STK10: variants seen among roughly 807,000 people sequenced by gnomAD.
The protein encoded by STK10 is serine/threonine kinase 10.
In STK10, 78 loss-of-function variants were observed where a neutral mutation model predicts 113.8. That is an observed-to-expected ratio of 0.69 (90% confidence interval 0.57 to 0.83). The LOEUF is 0.83. Among genes scored for constraint, STK10 ranks in the 40% least tolerant of loss-of-function variants. STK10 has a pLI of 0.00. For synonymous variants in STK10, 465 were observed against 494.7 expected (o/e 0.94, Z 0.80); for missense variants, 1,109 against 1,280.1 (o/e 0.87, Z 2.04).
At chr5:172,067,074 C>T (rs55634877) in intron 12 of STK10, among the ~76,000 whole-genome samples, 32,393 of 152,062 alleles carry the variant, frequency 0.21, 3,991 homozygotes, top group East Asian at 0.37. Flanking sequence ...TCAGGGATAG[C>T]CAGGCACGGT....
rs545033443 is a variant in STK10 at position 172,144,362 on chromosome 5, G to A, written c.321+12262C>T. 2.0e-5 allele frequency among the ~76,000 whole-genome samples: 3 copies of A among 152,148 alleles called. No individual in the cohort carries two copies. The South Asian group carries it at 6.2e-4, about 32-fold the overall frequency. On this transcript the variant is annotated intron_variant, in intron 2 of 18. Coordinates refer to ENST00000176763, the MANE Select transcript of STK10 (RefSeq NM_005990.4). ...CCTGCACTGAGAGATGCTGTCAGTGGGGCGGTGCTGGGAACCTCCTTAGCC... is the reference window on the plus strand; with the variant it reads ...CCTGCACTGAGAGATGCTGTCAGTGAGGCGGTGCTGGGAACCTCCTTAGCC...
chr5:172,073,298 G>A (rs1422463545), intron 12 of STK10, among the ~76,000 whole-genome samples: 1 of 152,192 alleles, frequency 6.6e-6, no homozygotes, highest in East Asian at 1.9e-4. Flanking sequence ...GATTACAGAT[G>A]CACACCACCA....
intron 3 of STK10, among the ~76,000 whole-genome samples, chr5:172,122,669 G>C (rs1310096743): frequency 6.6e-6 from 1 of 152,180 alleles, no homozygotes; most frequent in African/African-American, 2.4e-5. Context: ...TGTCGCCCAG[G>C]CTGGAGTGCA....
At chr5:172,162,027 C>G (rs963689349) in intron 1 of STK10, among the ~76,000 whole-genome samples, 4 of 152,292 alleles carry the variant, frequency 2.6e-5, no homozygotes, top group African/African-American at 9.6e-5. Flanking sequence ...GTGGGGACTT[C>G]TCCCCTAAAC....
chr5:172,048,414 T>TACACACACCAC (rs1767542968), intron 18 of STK10, among the ~76,000 whole-genome samples: 1 of 128,394 alleles, frequency 7.8e-6, no homozygotes, highest in African/African-American at 3.1e-5. Flanking sequence ...TCCCTCTCCC[T>TACACACACCAC]ACACACACAC....
intron 4 of STK10, among the ~76,000 whole-genome samples, chr5:172,116,878 C>A (rs1287165938): frequency 6.6e-5 from 10 of 151,290 alleles, no homozygotes; most frequent in Admixed American, 5.3e-4. Context: ...AAAACAACAA[C>A]AAAAAAAGAA....
intron 12 of STK10, among the ~76,000 whole-genome samples, chr5:172,076,707 G>A (rs572761490): frequency 2.6e-5 from 4 of 152,302 alleles, no homozygotes; most frequent in South Asian, 2.1e-4. Context: ...AATCTTATTT[G>A]TGCCACTTCT....
intron 18 of STK10, among the ~76,000 whole-genome samples, chr5:172,045,693 AT>A (rs1304230374): frequency 6.6e-6 from 1 of 151,684 alleles, no homozygotes; most frequent in Non-Finnish European, 1.5e-5. Flanking sequence ...TACCAGAAAT[AT>A]TTTTCTTTTT....
At chr5:172,098,483 T>C (rs1304456607) in intron 7 of STK10, among the ~76,000 whole-genome samples, 1 of 152,076 alleles carries the variant, frequency 6.6e-6, no homozygotes, top group Non-Finnish European at 1.5e-5. Flanking sequence ...ACGGGCAGGA[T>C]GGTGGGACAC....
chr5:172,079,591 T>C (rs949372494), intron 12 of STK10, among the ~76,000 whole-genome samples: 1 of 150,898 alleles, frequency 6.6e-6, no homozygotes, highest in African/African-American at 2.4e-5. Context: ...GATGGAGTTT[T>C]GCTCTTGTTG....
chr5:172,117,488 G>C lies in STK10; in HGVS notation c.513C>G (p.Ile171Met). The C allele has an allele frequency of 6.2e-7, 1 of 1,611,114 alleles. No homozygotes were observed. Among genetic ancestry groups the C allele is most frequent in the Non-Finnish European group, 8.5e-7 (1 of 1,179,858 alleles). The change falls in exon 4 of 19, where the codon ATC (isoleucine) becomes ATG (methionine). Residue 171 changes from isoleucine to methionine, a missense_variant. By Grantham distance (10) the Ile-to-Met change is conservative. Coordinates refer to ENST00000176763, the MANE Select transcript of STK10 (RefSeq NM_005990.4). ...GNVLMTLEGDIRLADFGVSAK... is the reference protein window; with the variant it reads ...GNVLMTLEGDMRLADFGVSAK... ...CCACCCTGAGCCCCTTACCCAGCCTGATGTCTCCCTCGAGGGTCATCAGCA... is the reference window on the plus strand; with the variant it reads ...CCACCCTGAGCCCCTTACCCAGCCTCATGTCTCCCTCGAGGGTCATCAGCA...
Position 172,120,236 on chromosome 5 carries a change from G to A in STK10, c.371-2606C>T, listed in dbSNP as rs1769482124. ...TGGTCACCAAAGGGCACTGCTCCGA[G>A]TCTTCCCTCTGCCTACAACAGCACT... On this transcript the variant is annotated intron_variant, in intron 3 of 18. Transcript: ENST00000176763. The surrounding 1 kb of genome is among the most constrained non-coding windows in gnomAD (Gnocchi z 4.0). 6.6e-6 allele frequency among the ~76,000 whole-genome samples: 1 copy of A among 152,200 alleles called. No homozygotes were observed. The highest frequency in any genetic ancestry group is 2.4e-5 in the African/African-American group (1 of 41,452).
chr5:172,148,559 C>G (rs1770136059), intron 2 of STK10, among the ~76,000 whole-genome samples: 1 of 152,272 alleles, frequency 6.6e-6, no homozygotes. Context: ...TCCATCTGCT[C>G]TGGGCCACCA....
chr5:172,117,529 G>A lies in STK10; in HGVS notation c.472C>T (p.Leu158=). Residue 158 remains leucine (L), a synonymous_variant, in exon 4 of 19, where the codon CTG becomes TTG. Transcript: ENST00000176763. ...GTCATCAGCACGTTGCCAGCTTTCAGATCTCGGTGGATGATCCTCTTGCTG... is the reference window on the plus strand; with the variant it reads ...GTCATCAGCACGTTGCCAGCTTTCAAATCTCGGTGGATGATCCTCTTGCTG... ...LHSKRIIHRD[L]KAGNVLMTLE... The A allele has an allele frequency of 6.2e-7, 1 of 1,613,476 alleles. No individual in the cohort carries two copies. Among genetic ancestry groups the A allele is most frequent in the Non-Finnish European group, 8.5e-7 (1 of 1,179,982 alleles).
intron 16 of STK10, 87 bp from the exon 17 acceptor site, chr5:172,054,781 C>A: frequency 1.9e-6 from 3 of 1,571,732 alleles, no homozygotes; most frequent in South Asian, 2.3e-5. Flanking sequence ...CCCAGGGAGA[C>A]CCCTCAGGGG....
At chr5:172,076,158 G>A (rs1482250014) in intron 12 of STK10, among the ~76,000 whole-genome samples, 1 of 148,568 alleles carries the variant, frequency 6.7e-6, no homozygotes, top group East Asian at 2.0e-4. Flanking sequence ...CTGTGCATTT[G>A]TTGTGGGGGC....
rs189526972 is a variant in STK10, at chr5:172,105,671, G to A, written c.855C>T (p.Ala285=). The change falls in exon 7 of 19, where the codon GCC becomes GCT. Residue 285 remains alanine (A), a synonymous_variant. Transcript: ENST00000176763. ...ATCCACTCACCTCCAGCAGCTGCGC[G>A]GCACTGGGTCGGGTTTCTGGGTTCT... ...LDKNPETRPS[A]AQLLEHPFVS... 490 of 1,613,830 alleles carry A rather than the reference G, an allele frequency of 3.0e-4. 2 individuals are homozygous for A. Among genetic ancestry groups the A allele is most frequent in the Non-Finnish European group, 1.8e-4 (210 of 1,180,004 alleles).
intron 2 of STK10, among the ~76,000 whole-genome samples, chr5:172,137,924 G>A (rs926569890): frequency 6.7e-6 from 1 of 149,098 alleles, no homozygotes; most frequent in African/African-American, 2.5e-5. Flanking sequence ...TATATTAAAG[G>A]CCATATATTA....
At chr5:172,173,041 A>G (rs1770691035) in intron 1 of STK10, among the ~76,000 whole-genome samples, 1 of 151,924 alleles carries the variant, frequency 6.6e-6, no homozygotes, top group South Asian at 2.1e-4. Context: ...TGGGGTCTTC[A>G]GGGGTCCTCT....
Sources: allele counts gnomAD v4.1 joint callset (sites outside exome capture counted in the v4.1 genomes callset), GRCh38; gene constraint gnomAD v4.1.1; non-coding constraint Gnocchi (gnomAD v3.1); transcripts MANE v1.5; gene names NCBI Gene and HGNC (gene_info 2026-07-23, HGNC 2026-07-21).